Variants in DAB1 observed in about 807,000 individuals in gnomAD.
DAB1 encodes DAB adaptor protein 1, also known as disabled homolog 1.
A neutral mutation model predicts 64.6 loss-of-function variants in DAB1; 15 were observed. The observed-to-expected ratio is 0.23, with a 90% CI of 0.16 to 0.36. The LOEUF (loss-of-function observed/expected upper bound fraction) is 0.36. Among genes scored for constraint, DAB1 ranks in the 10% least tolerant of loss-of-function variants. DAB1 has a pLI of 1.00. For missense variants in DAB1, 596 were observed against 706.7 expected (o/e 0.84, Z 1.78); for synonymous variants, 235 against 251.9 (o/e 0.93, Z 0.64).
chr1:58,402,055 A>T (rs1413937971), intron 3 of DAB1, among the ~76,000 whole-genome samples: 6 of 152,242 alleles, frequency 3.9e-5, no homozygotes, highest in Admixed American at 6.5e-5. Context: ...TAAGAAATCC[A>T]TGCACTGAGA....
chr1:57,889,574 G>A (rs925042447), intron 5 of DAB1, among the ~76,000 whole-genome samples: 1 of 152,182 alleles, frequency 6.6e-6, no homozygotes, highest in Non-Finnish European at 1.5e-5. Context: ...CACTAAGCCT[G>A]ACTACAGCAA....
At chr1:57,498,237 C>T (rs1644252080) in intron 7 of DAB1, among the ~76,000 whole-genome samples, 1 of 152,104 alleles carries the variant, frequency 6.6e-6, no homozygotes, top group Non-Finnish European at 1.5e-5. Context: ...TATAAAATAG[C>T]AAGAAATGTG....
intron 1 of DAB1, among the ~76,000 whole-genome samples, chr1:57,837,784 C>A (rs1183953588): frequency 6.7e-6 from 1 of 148,470 alleles, no homozygotes; most frequent in African/African-American, 2.4e-5. Context: ...ACCTCCACCA[C>A]CTTCACCACC....
chr1:58,487,065 T>C (rs1294867679), intron 3 of DAB1, among the ~76,000 whole-genome samples: 1 of 152,098 alleles, frequency 6.6e-6, no homozygotes, highest in Non-Finnish European at 1.5e-5. Flanking sequence ...ATATTGAAAA[T>C]AGGTTGTTAG....
intron 5 of DAB1, among the ~76,000 whole-genome samples, chr1:57,973,963 A>G (rs1260967351): frequency 6.6e-6 from 1 of 152,104 alleles, no homozygotes; most frequent in African/African-American, 2.4e-5. Flanking sequence ...AAATAAATCC[A>G]AACTCCTTAC....
intron 3 of DAB1, among the ~76,000 whole-genome samples, chr1:58,441,233 C>G (rs528625294): frequency 6.6e-6 from 1 of 152,172 alleles, no homozygotes; most frequent in African/African-American, 2.4e-5. Context: ...ATAGATGCCA[C>G]GAACTCAGAA....
At chr1:57,654,962 C>G (rs1646299190) in intron 6 of DAB1, among the ~76,000 whole-genome samples, 1 of 152,140 alleles carries the variant, frequency 6.6e-6, no homozygotes, top group Non-Finnish European at 1.5e-5. Flanking sequence ...AGTAACCTTT[C>G]TGTATAGCTA....
chr1:58,478,380 T>C (rs1014647143), intron 3 of DAB1, among the ~76,000 whole-genome samples: 5 of 152,224 alleles, frequency 3.3e-5, no homozygotes, highest in African/African-American at 9.6e-5. Flanking sequence ...GAAAATGGAC[T>C]AATAGTACAA....
Position 58,037,123 on chromosome 1 carries a change from A to G in DAB1, n.387+113388T>C, listed in dbSNP as rs763442104. Among the ~76,000 whole-genome samples the G allele has an allele frequency of 1.3e-3, 193 of 152,142 alleles. 2 individuals are homozygous for G. Among genetic ancestry groups the G allele is most frequent in the Non-Finnish European group, 1.2e-3 (83 of 67,992 alleles). ...ATTTTCCTGCACACTGACTCCACGT[A>G]TTGTCTCTCCCCCAAAGGCTAGCAC... On this transcript the variant is annotated intron_variant and non_coding_transcript_variant, in intron 5 of 20. Transcript: ENST00000485760.
At chr1:57,959,407 T>C (rs1284610739) in intron 5 of DAB1, among the ~76,000 whole-genome samples, 1 of 152,206 alleles carries the variant, frequency 6.6e-6, no homozygotes, top group African/African-American at 2.4e-5. Flanking sequence ...AAAAAAGTAT[T>C]CTACAAAAAG....
At chr1:57,934,519 T>G (rs1421501616) in intron 5 of DAB1, among the ~76,000 whole-genome samples, 1 of 152,216 alleles carries the variant, frequency 6.6e-6, no homozygotes, top group Non-Finnish European at 1.5e-5. Flanking sequence ...ACTTTACATG[T>G]GTTAACCCCA....
At position 57,912,999 on chromosome 1, in the gene DAB1, G is replaced by A. The variant is rs535229243; in HGVS notation, n.388-28837C>T. ...CTCATGGGTAGGAAGAATCAATATC[G>A]TGAAAATGGCCATACTGTGCAAGGT... On this transcript the variant is annotated intron_variant and non_coding_transcript_variant, in intron 5 of 20. Transcript: ENST00000485760. Among the ~76,000 whole-genome samples, 9 of 152,316 alleles carry A rather than the reference G, an allele frequency of 5.9e-5. No individual in the cohort carries two copies. In the East Asian group the frequency reaches 7.7e-4, roughly 13 times the overall value.
At chr1:57,190,830 AG>A (rs1664062279) in intron 2 of DAB1, among the ~76,000 whole-genome samples, 1 of 152,152 alleles carries the variant, frequency 6.6e-6, no homozygotes, top group Admixed American at 6.5e-5. Context: ...CTGTTGACCG[AG>A]GGGCTCCAGT....
chr1:57,843,882 A>C (rs921068247), intron 1 of DAB1, among the ~76,000 whole-genome samples: 2 of 152,146 alleles, frequency 1.3e-5, no homozygotes, highest in South Asian at 4.1e-4. Flanking sequence ...CTTTGGAAAC[A>C]TTTGCTCAGG....
At chr1:57,303,297 ATGT>A (rs1673828005) in intron 1 of DAB1, among the ~76,000 whole-genome samples, 1 of 152,094 alleles carries the variant, frequency 6.6e-6, no homozygotes, top group Non-Finnish European at 1.5e-5. Context: ...GCCTGTGAAC[ATGT>A]TGTCCGTCAC....
chr1:57,319,085 G>C (rs1177235746), intron 1 of DAB1, among the ~76,000 whole-genome samples: 1 of 152,172 alleles, frequency 6.6e-6, no homozygotes, highest in African/African-American at 2.4e-5. Flanking sequence ...AACATTCTCA[G>C]GGGTCGTGGC....
At chr1:57,649,944 A>C (rs1207205441) in intron 6 of DAB1, among the ~76,000 whole-genome samples, 1 of 152,234 alleles carries the variant, frequency 6.6e-6, no homozygotes, top group Non-Finnish European at 1.5e-5. Context: ...ATGCACATAC[A>C]TACATATCTA....
At chr1:58,471,855 G>C (rs113404815) in intron 3 of DAB1, among the ~76,000 whole-genome samples, 1 of 152,070 alleles carries the variant, frequency 6.6e-6, no homozygotes, top group African/African-American at 2.4e-5. Context: ...ATGCCACCAT[G>C]CTTCCTGTAC....
intron 7 of DAB1, among the ~76,000 whole-genome samples, chr1:57,564,449 G>A (rs573343244): frequency 9.9e-5 from 15 of 152,208 alleles, no homozygotes; most frequent in South Asian, 8.3e-4. Flanking sequence ...TGACTTTGAT[G>A]AGTTGAGAGA....
Sources: allele counts gnomAD v4.1 joint callset (sites outside exome capture counted in the v4.1 genomes callset), GRCh38; gene constraint gnomAD v4.1.1; transcripts MANE v1.5; gene names NCBI Gene and HGNC (gene_info 2026-07-23, HGNC 2026-07-21).